The following OPCML variants were observed in gnomAD, a reference collection of about 807,000 sequenced individuals.
OPCML encodes opioid-binding protein/cell adhesion molecule.
In OPCML, 13 loss-of-function variants were observed where a neutral mutation model predicts 37.8. The observed-to-expected ratio is 0.34, with a 90% CI of 0.22 to 0.55. OPCML has a LOEUF of 0.55. Ranked by LOEUF, OPCML falls within the 20% of genes least tolerant of loss-of-function variation. OPCML has a pLI of 0.91. For synonymous variants in OPCML, 176 were observed against 168.8 expected (o/e 1.04, Z -0.33); for missense variants, 341 against 435.6 (o/e 0.78, Z 1.93).
At chr11:133,436,668 G>A (rs906927204) in intron 1 of OPCML, among the ~76,000 whole-genome samples, 4 of 152,130 alleles carry the variant, frequency 2.6e-5, no homozygotes, top group Non-Finnish European at 5.9e-5. Context: ...GGGAAATACG[G>A]GTTTAGGGCC....
intron 2 of OPCML, among the ~76,000 whole-genome samples, chr11:132,858,319 C>T (rs1184278792): frequency 1.3e-5 from 2 of 152,170 alleles, no homozygotes; most frequent in African/African-American, 2.4e-5. Flanking sequence ...CCTCTTTGAC[C>T]GGGCCTGCCA....
intron 1 of OPCML, among the ~76,000 whole-genome samples, chr11:133,197,317 T>C (rs1765993931): frequency 6.6e-6 from 1 of 152,228 alleles, no homozygotes; most frequent in Non-Finnish European, 1.5e-5. Flanking sequence ...AATGATACAT[T>C]GTCCTTTATC....
At chr11:132,578,864 G>A (rs186125134) in intron 3 of OPCML, among the ~76,000 whole-genome samples, 2 of 152,108 alleles carry the variant, frequency 1.3e-5, no homozygotes, top group East Asian at 1.9e-4. Flanking sequence ...AAAATAATAT[G>A]ATAGCAAAGT....
chr11:132,739,323 TA>T (rs1174246836), intron 2 of OPCML, among the ~76,000 whole-genome samples: 1 of 152,224 alleles, frequency 6.6e-6, no homozygotes, highest in African/African-American at 2.4e-5. Context: ...GCTGCCTCTG[TA>T]AATACATTTT....
intron 1 of OPCML, among the ~76,000 whole-genome samples, chr11:133,094,404 G>C (rs1901916): frequency 6.6e-6 from 1 of 152,058 alleles, no homozygotes; most frequent in African/African-American, 2.4e-5. Flanking sequence ...TCAAGTCTAC[G>C]ACCCATGATG....
At chr11:133,370,947 A>G (rs557021377) in intron 1 of OPCML, among the ~76,000 whole-genome samples, 1 of 152,338 alleles carries the variant, frequency 6.6e-6, no homozygotes, top group South Asian at 2.1e-4. Flanking sequence ...TATTCAGAAT[A>G]TACAAGAAAC....
chr11:132,610,759 TG>T (rs1221424929), intron 3 of OPCML, among the ~76,000 whole-genome samples: 2 of 152,212 alleles, frequency 1.3e-5, no homozygotes, highest in Non-Finnish European at 2.9e-5. Flanking sequence ...AAAGGATGAC[TG>T]CAAATTTGTG....
At chr11:132,645,733 C>A (rs539349035) in intron 3 of OPCML, among the ~76,000 whole-genome samples, 1 of 152,296 alleles carries the variant, frequency 6.6e-6, no homozygotes, top group East Asian at 1.9e-4. Flanking sequence ...AGCTACTGGT[C>A]ATGTGTGTCT....
At chr11:133,329,947 A>G (rs1400736521) in intron 1 of OPCML, among the ~76,000 whole-genome samples, 1 of 152,172 alleles carries the variant, frequency 6.6e-6, no homozygotes, top group African/African-American at 2.4e-5. Context: ...CATCTGACAA[A>G]GGGCTAATAT....
intron 2 of OPCML, chr11:132,772,286 C>G (rs935758024): frequency 2.6e-5 from 4 of 152,182 alleles, no homozygotes; most frequent in African/African-American, 9.7e-5. Context: ...AAATTGCACC[C>G]TAGTCATAAA....
At chr11:133,387,960 A>T (rs1945091290) in intron 1 of OPCML, among the ~76,000 whole-genome samples, 2 of 152,190 alleles carry the variant, frequency 1.3e-5, no homozygotes, top group Admixed American at 6.5e-5. Context: ...GTGCAAAGAC[A>T]CTTAGGCAGG....
Position 132,420,206 on chromosome 11 carries a change from A to T in OPCML, c.1004T>A (p.Phe335Tyr). Residue 335 changes from phenylalanine to tyrosine, a missense_variant, in exon 8 of 8, where the codon TTC becomes TAC. Physicochemically the swap from Phe to Tyr is conservative, Grantham distance 22 (BLOSUM62 3). Transcript: ENST00000524381. The stretch of plus-strand genomic sequence containing the variant: ...TAGGATTTCTTATCAAAACTTGATG[A>T]AGAAGTGGGCTAAGAGGGTCCCTGA... ...WLSGTLLAHFFIKF is the reference protein window; with the variant it reads ...WLSGTLLAHFYIKF 1 of 1,613,910 alleles carries T rather than the reference A, an allele frequency of 6.2e-7. No homozygotes were observed.
intron 3 of OPCML, among the ~76,000 whole-genome samples, chr11:132,621,061 A>C (rs1366478559): frequency 1.3e-5 from 2 of 152,264 alleles, no homozygotes; most frequent in Non-Finnish European, 2.9e-5. Context: ...TGTGACACAC[A>C]AGGCTTTTGA....
chr11:132,983,749 C>T (rs1488501231), intron 1 of OPCML, among the ~76,000 whole-genome samples: 1 of 152,204 alleles, frequency 6.6e-6, no homozygotes, highest in East Asian at 1.9e-4. Flanking sequence ...CCACACACAT[C>T]TACATTTTTA....
chr11:132,503,934 T>C (rs528029900), intron 4 of OPCML, among the ~76,000 whole-genome samples: 3 of 152,230 alleles, frequency 2.0e-5, no homozygotes, highest in South Asian at 4.1e-4. Flanking sequence ...TCTCTTAGAG[T>C]AACCTAGCAT....
At chr11:133,424,165 T>C (rs1945953037) in intron 1 of OPCML, among the ~76,000 whole-genome samples, 5 of 152,200 alleles carry the variant, frequency 3.3e-5, no homozygotes. Context: ...AGATGATTCA[T>C]TGTTCAAAAC....
chr11:133,513,519 C>G (rs928346024), intron 1 of OPCML, among the ~76,000 whole-genome samples: 1 of 151,228 alleles, frequency 6.6e-6, no homozygotes, highest in Non-Finnish European at 1.5e-5. Context: ...ATCTGGGAAG[C>G]CTCCTTCATG....
intron 4 of OPCML, among the ~76,000 whole-genome samples, chr11:132,509,345 GA>G (rs57552965): frequency 0.21 from 30,761 of 149,354 alleles, 3,175 homozygotes; most frequent in Non-Finnish European, 0.22. Context: ...CTACGTGATA[GA>G]AAAAAAAAAA....
At chr11:133,317,463 A>T (rs1943230610) in intron 1 of OPCML, among the ~76,000 whole-genome samples, 1 of 152,196 alleles carries the variant, frequency 6.6e-6, no homozygotes, top group Non-Finnish European at 1.5e-5. Flanking sequence ...GTGCAAACTT[A>T]CAAGTTAACT....
Sources: gnomAD v4.1 joint callset for allele counts (sites outside exome capture counted in the v4.1 genomes callset) on GRCh38, gnomAD v4.1.1 for gene constraint, MANE v1.5 for transcripts, NCBI Gene and HGNC (gene_info 2026-07-23, HGNC 2026-07-21) for gene names.